EPN2: variants seen among roughly 807,000 people sequenced by gnomAD.
EPN2 encodes the protein epsin-2.
EPN2 carries 34 observed loss-of-function variants against 61.7 expected under a neutral mutation model. The observed-to-expected ratio is 0.55, with a 90% CI of 0.42 to 0.73. The LOEUF (loss-of-function observed/expected upper bound fraction) is 0.73. Ranked by LOEUF, EPN2 falls within the 30% of genes least tolerant of loss-of-function variation. EPN2 has a pLI of 0.00. For synonymous variants in EPN2, 349 were observed against 353.6 expected, an observed-to-expected ratio of 0.99 and a Z score of 0.15; for missense variants, 714 against 839.2, an observed-to-expected ratio of 0.85 and a Z score of 1.84.
At chr17:19,241,453 G>T (rs527753842) in intron 1 of EPN2, among the ~76,000 whole-genome samples, 217 of 152,072 alleles carry the variant, frequency 1.4e-3, no homozygotes, top group African/African-American at 4.9e-3. Context: ...GGGCGTGGTG[G>T]TGCACACCTG....
intron 7 of EPN2, 42 bp from the exon 8 acceptor site, chr17:19,328,669 C>T (rs200181522): frequency 2.3e-5 from 36 of 1,549,566 alleles, no homozygotes; most frequent in Admixed American, 5.6e-5. Flanking sequence ...CTGCCCAGAC[C>T]CTCTGAAGGC....
intron 7 of EPN2, among the ~76,000 whole-genome samples, chr17:19,327,078 A>C (rs562316593): frequency 6.6e-6 from 1 of 152,298 alleles, no homozygotes; most frequent in South Asian, 2.1e-4. Flanking sequence ...GGGCGGCAAG[A>C]CTGGCACCCA....
intron 1 of EPN2, among the ~76,000 whole-genome samples, chr17:19,276,213 A>T (rs1014851615): frequency 6.6e-6 from 1 of 152,014 alleles, no homozygotes; most frequent in African/African-American, 2.4e-5. Context: ...TTTTTGAGAC[A>T]AAGTTGCTCT....
chr17:19,252,389 A>G (rs2045024987), intron 1 of EPN2, among the ~76,000 whole-genome samples: 1 of 152,172 alleles, frequency 6.6e-6, no homozygotes, highest in Non-Finnish European at 1.5e-5. Flanking sequence ...TTACTTAAAA[A>G]CAAAATGAAA....
chr17:19,267,923 C>T (rs1387563439), intron 1 of EPN2, among the ~76,000 whole-genome samples: 1 of 152,174 alleles, frequency 6.6e-6, no homozygotes, highest in Non-Finnish European at 1.5e-5. Flanking sequence ...AAGTGTTAGT[C>T]ATTGTTACTA....
At chr17:19,330,427 G>T (rs900558042) in intron 9 of EPN2, among the ~76,000 whole-genome samples, 1 of 152,004 alleles carries the variant, frequency 6.6e-6, no homozygotes, top group African/African-American at 2.4e-5. Context: ...CCACAAGCCT[G>T]GCTAGGCCCT....
At chr17:19,264,029 A>T (rs2045170976) in intron 1 of EPN2, among the ~76,000 whole-genome samples, 1 of 152,206 alleles carries the variant, frequency 6.6e-6, no homozygotes, top group Non-Finnish European at 1.5e-5. Context: ...GTTTAGGAGC[A>T]GCTGGGCAGA....
chr17:19,250,936 C>T (rs769864908), intron 1 of EPN2, among the ~76,000 whole-genome samples: 6 of 151,920 alleles, frequency 3.9e-5, no homozygotes, highest in Non-Finnish European at 8.8e-5. Context: ...CTCTCTGTGC[C>T]CTTCTCTCTC....
intron 1 of EPN2, chr17:19,274,374 G>T (rs1215435435): frequency 6.6e-6 from 1 of 152,216 alleles, no homozygotes; most frequent in Non-Finnish European, 1.5e-5. Flanking sequence ...GAAAAATAAA[G>T]TACATGTAGA....
At chr17:19,273,051 T>G (rs923830509) in intron 1 of EPN2, 7 of 152,222 alleles carry the variant, frequency 4.6e-5, no homozygotes, top group Non-Finnish European at 1.0e-4. Context: ...GGTACTTGCT[T>G]TCTGCTTTTA....
At chr17:19,287,789 G>T (rs1020543306) in intron 4 of EPN2, among the ~76,000 whole-genome samples, 4 of 152,156 alleles carry the variant, frequency 2.6e-5, no homozygotes, top group African/African-American at 9.7e-5. Context: ...GCCACAGCCG[G>T]GAAGGCCTCT....
chr17:19,244,457 CAAAA>C (rs1210669874), intron 1 of EPN2, among the ~76,000 whole-genome samples: 1 of 95,624 alleles, frequency 1.0e-5, no homozygotes, highest in African/African-American at 3.8e-5. Flanking sequence ...TGACTCTTCT[CAAAA>C]AAAAAAAAAA....
At chr17:19,271,472 C>T (rs530072123) in intron 1 of EPN2, 2 of 152,332 alleles carry the variant, frequency 1.3e-5, no homozygotes, top group Admixed American at 1.3e-4. Context: ...TTGCTCTGCC[C>T]CAGAGCCCAC....
intron 4 of EPN2, among the ~76,000 whole-genome samples, chr17:19,300,427 C>CTTTTTTTTT (rs72338416): frequency 9.2e-6 from 1 of 108,932 alleles, no homozygotes; most frequent in Non-Finnish European, 1.7e-5. Flanking sequence ...AACTGTAAAT[C>CTTTTTTTTT]TTTTTTTTTT....
At chr17:19,243,687 C>A (rs2044912537) in intron 1 of EPN2, among the ~76,000 whole-genome samples, 1 of 152,068 alleles carries the variant, frequency 6.6e-6, no homozygotes, top group Admixed American at 6.6e-5. Context: ...GCCACTGCGC[C>A]CGGCCATGCC....
intron 10 of EPN2, 137 bp downstream of exon 10, chr17:19,332,205 C>A: frequency 1.5e-6 from 1 of 680,580 alleles, no homozygotes; most frequent in Non-Finnish European, 2.5e-6. Flanking sequence ...ATTACGTATG[C>A]CCTCGCCAGT....
intron 4 of EPN2, among the ~76,000 whole-genome samples, chr17:19,295,368 G>A (rs199928174): frequency 0.11 from 6,561 of 58,372 alleles, 207 homozygotes; most frequent in Middle Eastern, 0.18. Flanking sequence ...ACACACACAC[G>A]CGCGTGCGCG....
At chr17:19,289,147 C>T (rs1262907267) in intron 4 of EPN2, among the ~76,000 whole-genome samples, 5 of 141,790 alleles carry the variant, frequency 3.5e-5, no homozygotes, top group African/African-American at 1.3e-4. Flanking sequence ...TGCAGTGGCA[C>T]GATCTCCGCT....
intron 1 of EPN2, among the ~76,000 whole-genome samples, chr17:19,251,407 C>T (rs1159396855): frequency 1.3e-5 from 2 of 152,026 alleles, no homozygotes; most frequent in Non-Finnish European, 2.9e-5. Flanking sequence ...CTGTTAAAAG[C>T]GTTTCAGTGG....
Sources: allele counts gnomAD v4.1 joint callset (sites outside exome capture counted in the v4.1 genomes callset), GRCh38; gene constraint gnomAD v4.1.1; transcripts MANE v1.5; gene names NCBI Gene and HGNC (gene_info 2026-07-23, HGNC 2026-07-21).